The following TMC1 variants were observed in gnomAD, a reference collection of about 807,000 sequenced individuals.
TMC1 encodes the protein transmembrane channel like 1.
In TMC1, 84 loss-of-function variants were observed where a neutral mutation model predicts 105.8. That is an observed-to-expected ratio of 0.79 (90% CI 0.67 to 0.95). The LOEUF is 0.95. Ranked by LOEUF, TMC1 falls within the 40% of genes least tolerant of loss-of-function variation. TMC1 has a pLI of 0.00. For synonymous variants in TMC1, 315 were observed against 311.5 expected (o/e 1.01, Z -0.12); for missense variants, 817 against 914.1 (o/e 0.89, Z 1.37).
chr9:72,699,944 G>A (rs1427768735), intron 7 of TMC1, among the ~76,000 whole-genome samples: 19 of 114,864 alleles, frequency 1.7e-4, no homozygotes, highest in African/African-American at 7.1e-4. Flanking sequence ...GCAACAGAAC[G>A]AGACTCTGTC....
intron 5 of TMC1, among the ~76,000 whole-genome samples, chr9:72,667,133 G>A (rs919309020): frequency 1.3e-5 from 2 of 152,104 alleles, no homozygotes; most frequent in Non-Finnish European, 2.9e-5. Context: ...ATGTCAGATG[G>A]TGACTGTTTT....
Position 72,830,650 on chromosome 9 carries a change from T to C in TMC1, c.2228T>C (p.Met743Thr). 6.2e-7 allele frequency: 1 copy of C among 1,613,740 alleles called. No homozygotes were observed. The change falls in exon 23 of 24, where the codon ATG becomes ACG. Residue 743 changes from methionine to threonine, a missense_variant. Transcript: ENST00000297784. ...KMKMQALENK[M>T]RNKKMAAARA... ...GTGTAGCAAGCTTTGGAGAACAAAA[T>C]GCGAAACAAGAAAATGGCAGCTGCA...
Position 72,694,536 on chromosome 9 carries a change from T to G in TMC1, c.65-7T>G, listed in dbSNP as rs1206470513. 2.5e-6 allele frequency: 4 copies of G among 1,611,406 alleles called. No individual in the cohort carries two copies. The highest frequency in any genetic ancestry group is 2.5e-6 in the Non-Finnish European group (3 of 1,178,536). ...ACATTACTCATTGAATCAAGTGCTA[T>G]GTTTAGGTGAAGAGGAAGAGGAGGT... is the stretch of plus-strand genomic sequence containing the variant. On this transcript the variant is annotated splice_region_variant and splice_polypyrimidine_tract_variant and intron_variant, in intron 6 of 23. Coordinates refer to ENST00000297784, the MANE Select transcript of TMC1 (RefSeq NM_138691.3).
intron 18 of TMC1, among the ~76,000 whole-genome samples, chr9:72,807,466 G>C (rs956344741): frequency 6.6e-6 from 1 of 152,170 alleles, no homozygotes; most frequent in African/African-American, 2.4e-5. Flanking sequence ...CAATATTCTA[G>C]TAAAATTAGC....
chr9:72,676,607 A>G (rs1826206680), intron 5 of TMC1, among the ~76,000 whole-genome samples: 1 of 152,174 alleles, frequency 6.6e-6, no homozygotes, highest in African/African-American at 2.4e-5. Flanking sequence ...CCAAAACTCA[A>G]ACATGTCTCT....
chr9:72,752,279 G>A (rs1170471050), intron 11 of TMC1, among the ~76,000 whole-genome samples: 1 of 152,086 alleles, frequency 6.6e-6, no homozygotes. Context: ...AAAAACTATT[G>A]TTCAAGAGGA....
At chr9:72,695,643 A>G (rs960942407) in intron 7 of TMC1, among the ~76,000 whole-genome samples, 4 of 152,316 alleles carry the variant, frequency 2.6e-5, no homozygotes, top group South Asian at 4.1e-4. Context: ...ACACACTTCT[A>G]TACTCAATAG....
chr9:72,670,696 A>C (rs893628899), intron 5 of TMC1, among the ~76,000 whole-genome samples: 1 of 152,196 alleles, frequency 6.6e-6, no homozygotes, highest in African/African-American at 2.4e-5. Flanking sequence ...AAATCACGAC[A>C]CAGAAGAAAT....
Position 72,805,616 on chromosome 9 carries a change from A to G in TMC1, c.1695+106A>G, listed in dbSNP as rs1009993724. The G allele has an allele frequency of 2.4e-5, 25 of 1,049,528 alleles. No homozygotes were observed. The Admixed American group carries it at 2.8e-4, about 12-fold the overall frequency. 65.0% of individuals were successfully genotyped at this position (1,049,528 alleles called of 1,614,324 possible). A position where few individuals can be genotyped will look rare whatever the true frequency, so the allele number is the denominator to read the frequency against. On this transcript the variant is annotated intron_variant, in intron 18 of 23. Coordinates refer to ENST00000297784, the MANE Select transcript of TMC1 (RefSeq NM_138691.3). ...GAGGGGGATTTGGCAGGGTCATAGG[A>G]CAATAGTGGAGGGAAGGTCAGCAGA... is the stretch of plus-strand genomic sequence containing the variant.
At chr9:72,696,129 C>G (rs1384998188) in intron 7 of TMC1, among the ~76,000 whole-genome samples, 1 of 152,098 alleles carries the variant, frequency 6.6e-6, no homozygotes, top group Non-Finnish European at 1.5e-5. Flanking sequence ...GCAAAAAAAT[C>G]CTTTTAAAAA....
chr9:72,718,699 G>A (rs1055142402), intron 8 of TMC1, among the ~76,000 whole-genome samples: 3 of 152,304 alleles, frequency 2.0e-5, no homozygotes, highest in South Asian at 2.1e-4. Flanking sequence ...AGGAGGTGGC[G>A]CTTTCAAGAG....
At chr9:72,688,258 G>T (rs575556712) in intron 5 of TMC1, among the ~76,000 whole-genome samples, 1 of 152,208 alleles carries the variant, frequency 6.6e-6, no homozygotes, top group East Asian at 1.9e-4. Context: ...CTTGGTAAAA[G>T]TGTTTGGAAT....
intron 15 of TMC1, among the ~76,000 whole-genome samples, chr9:72,789,546 G>A (rs566377465): frequency 6.6e-6 from 1 of 152,106 alleles, no homozygotes; most frequent in Admixed American, 6.5e-5. Flanking sequence ...AGTCAGAAAA[G>A]ATATTAAAAA....
chr9:72,565,915 G>A (rs1477416619), intron 1 of TMC1, among the ~76,000 whole-genome samples: 1 of 152,182 alleles, frequency 6.6e-6, no homozygotes, highest in Non-Finnish European at 1.5e-5. Context: ...GATTATGGGA[G>A]CTACAATTCA....
intron 1 of TMC1, among the ~76,000 whole-genome samples, chr9:72,558,152 C>CTCTCTCTT (rs780235400): frequency 2.6e-5 from 4 of 152,092 alleles, no homozygotes; most frequent in South Asian, 2.1e-4. Flanking sequence ...TTCTCTCTCT[C>CTCTCTCTT]TCTCTCTTTC....
At chr9:72,750,340 T>C (rs1827562820) in intron 10 of TMC1, among the ~76,000 whole-genome samples, 1 of 152,214 alleles carries the variant, frequency 6.6e-6, no homozygotes, top group Non-Finnish European at 1.5e-5. Flanking sequence ...ACACATGGGC[T>C]GATGCAGCCA....
intron 2 of TMC1, among the ~76,000 whole-genome samples, chr9:72,602,250 C>T (rs947370057): frequency 7.9e-5 from 12 of 151,846 alleles, no homozygotes; most frequent in African/African-American, 2.7e-4. Flanking sequence ...AAATGAAGAG[C>T]CTGAGACTTG....
At position 72,599,735 on chromosome 9, in the gene TMC1, A is replaced by T. The variant is rs556116287; in HGVS notation, c.-305-16633A>T. Among the ~76,000 whole-genome samples, 258 of 151,716 alleles carry T rather than the reference A, an allele frequency of 1.7e-3. 2 individuals carry two copies. Among genetic ancestry groups the T allele is most frequent in the African/African-American group, 6.1e-3 (251 of 41,344 alleles). On this transcript the variant is annotated intron_variant, in intron 2 of 23. Transcript: ENST00000297784. Reference sequence around the variant, plus strand: ...TGAGGCAGGAAAGTCACTTGAACCCAGGAGATGGAGGTTGCAGTGAGCCGA... The same window carrying T: ...TGAGGCAGGAAAGTCACTTGAACCCTGGAGATGGAGGTTGCAGTGAGCCGA...
chr9:72,715,768 G>A (rs928863299), intron 8 of TMC1, among the ~76,000 whole-genome samples: 4 of 151,990 alleles, frequency 2.6e-5, no homozygotes, highest in African/African-American at 7.2e-5. Flanking sequence ...CTGTCAATTC[G>A]TCAAACTCAT....
Sources: gnomAD v4.1 joint callset for allele counts (sites outside exome capture counted in the v4.1 genomes callset) on GRCh38, gnomAD v4.1.1 for gene constraint, MANE v1.5 for transcripts, NCBI Gene and HGNC (gene_info 2026-07-23, HGNC 2026-07-21) for gene names.